Variants in CTNNA3 observed in about 807,000 individuals in gnomAD.
The protein encoded by CTNNA3 is catenin alpha-3.
Under a neutral mutation model 95.7 loss-of-function variants are expected in CTNNA3, and 76 were observed. The observed-to-expected ratio is 0.79, with a 90% CI of 0.66 to 0.96. The LOEUF is 0.96. Ranked by LOEUF, CTNNA3 falls within the 40% of genes least tolerant of loss-of-function variation. The pLI is 0.00. For missense variants in CTNNA3, 1,191 were observed against 1,089.8 expected (o/e 1.09, Z -1.31); for synonymous variants, 431 against 374.4 (o/e 1.15, Z -1.74).
chr10:65,916,217 T>C lies in CTNNA3; in HGVS notation c.*4113A>G, dbSNP rs990561237. ...TACTTAAAAAGAATTATTAAAATAATATAAAATTATATTCTTTTTAACTGA... is the reference window on the plus strand; with the variant it reads ...TACTTAAAAAGAATTATTAAAATAACATAAAATTATATTCTTTTTAACTGA... On this transcript the variant is annotated 3_prime_UTR_variant, in exon 18 of 18. Coordinates refer to ENST00000433211, the MANE Select transcript of CTNNA3 (RefSeq NM_013266.4). 8 of 151,956 alleles carry C rather than the reference T, an allele frequency of 5.3e-5. No individual in the cohort carries two copies. Among genetic ancestry groups the C allele is most frequent in the Non-Finnish European group, 1.2e-4 (8 of 67,962 alleles). The allele number at this position is 151,956 out of a possible 1,614,324, so 9.4% of individuals were successfully genotyped here.
At chr10:66,465,066 C>T (rs563382110) in intron 11 of CTNNA3, among the ~76,000 whole-genome samples, 2 of 152,218 alleles carry the variant, frequency 1.3e-5, no homozygotes, top group East Asian at 3.9e-4. Context: ...AAACAAGAGA[C>T]TGCCTAATGA....
At chr10:67,001,674 T>C (rs1352399749) in intron 7 of CTNNA3, among the ~76,000 whole-genome samples, 1 of 152,192 alleles carries the variant, frequency 6.6e-6, no homozygotes, top group Non-Finnish European at 1.5e-5. Flanking sequence ...CTTTAGTGGA[T>C]CCTAATTGTA....
chr10:67,513,086 T>C (rs1217415132), intron 5 of CTNNA3, among the ~76,000 whole-genome samples: 1 of 152,214 alleles, frequency 6.6e-6, no homozygotes, highest in Non-Finnish European at 1.5e-5. Flanking sequence ...TATATTCGCA[T>C]GTATAGATAA....
intron 7 of CTNNA3, among the ~76,000 whole-genome samples, chr10:66,913,583 G>T (rs1221973695): frequency 1.3e-5 from 2 of 152,138 alleles, no homozygotes; most frequent in Non-Finnish European, 2.9e-5. Flanking sequence ...AGGAATGAAT[G>T]AACAATTTCT....
intron 15 of CTNNA3, among the ~76,000 whole-genome samples, chr10:66,054,276 T>TAA (rs2080027126): frequency 6.6e-6 from 1 of 152,186 alleles, no homozygotes; most frequent in South Asian, 2.1e-4. Context: ...ATGGAAGTTC[T>TAA]AATTTTAGAT....
At chr10:67,697,244 T>G (rs10997784), upstream of CTNNA3, among the ~76,000 whole-genome samples, 14,632 of 152,222 alleles carry the variant, frequency 0.096, 993 homozygotes, top group East Asian at 0.26. Flanking sequence ...CATGCTATCC[T>G]CCCCAGATTT....
chr10:66,952,021 C>T (rs1300821755), intron 7 of CTNNA3, among the ~76,000 whole-genome samples: 1 of 152,194 alleles, frequency 6.6e-6, no homozygotes, highest in African/African-American at 2.4e-5. Context: ...GCTTTCCTCT[C>T]ATTCCAGATC....
intron 1 of CTNNA3, among the ~76,000 whole-genome samples, chr10:67,662,125 C>A (rs1464343256): frequency 6.6e-6 from 1 of 152,134 alleles, no homozygotes; most frequent in African/African-American, 2.4e-5. Flanking sequence ...GTCATCCCCC[C>A]AATCCTTGGG....
chr10:66,335,971 G>T (rs759890446), intron 12 of CTNNA3, among the ~76,000 whole-genome samples: 2 of 152,128 alleles, frequency 1.3e-5, no homozygotes, highest in South Asian at 4.1e-4. Flanking sequence ...CTTGCAGTTT[G>T]ATCTCAGCCT....
At chr10:66,875,156 T>C (rs1844567193) in intron 7 of CTNNA3, among the ~76,000 whole-genome samples, 1 of 151,964 alleles carries the variant, frequency 6.6e-6, no homozygotes, top group Non-Finnish European at 1.5e-5. Flanking sequence ...AAGAAACAAA[T>C]TACACAAAGT....
intron 17 of CTNNA3, among the ~76,000 whole-genome samples, chr10:65,941,449 T>C (rs747544870): frequency 3.9e-5 from 6 of 152,222 alleles, no homozygotes; most frequent in Admixed American, 6.5e-5. Context: ...GCGTTCAATA[T>C]GCCAAGTCAA....
chr10:67,277,720 G>A (rs1296874198), intron 5 of CTNNA3, among the ~76,000 whole-genome samples: 2 of 152,068 alleles, frequency 1.3e-5, no homozygotes, highest in African/African-American at 4.8e-5. Flanking sequence ...GTGACCTCTG[G>A]TTGTCCTCAC....
rs58792425 is a variant in CTNNA3 at position 67,368,897 on chromosome 10, C to T, written c.580-149027G>A. Reference sequence around the variant, plus strand: ...AGGCAGAAAAGGGAAACATTGCAGACGGGCAAGAGAAAACTTTAGGGAGAG... The same window carrying T: ...AGGCAGAAAAGGGAAACATTGCAGATGGGCAAGAGAAAACTTTAGGGAGAG... On this transcript the variant is annotated intron_variant, in intron 5 of 17. Coordinates refer to ENST00000433211, the MANE Select transcript of CTNNA3 (RefSeq NM_013266.4). Among the ~76,000 whole-genome samples the T allele has an allele frequency of 6.1e-3, 921 of 152,186 alleles. 9 individuals are homozygous for T. The highest frequency in any genetic ancestry group is 0.021 in the African/African-American group (873 of 41,520).
At chr10:66,295,755 T>C (rs2091767435) in intron 12 of CTNNA3, among the ~76,000 whole-genome samples, 1 of 152,182 alleles carries the variant, frequency 6.6e-6, no homozygotes, top group South Asian at 2.1e-4. Flanking sequence ...CATATCTTAG[T>C]TACCGCTCAG....
At chr10:66,180,048 G>C (rs963357183) in intron 13 of CTNNA3, among the ~76,000 whole-genome samples, 1 of 152,080 alleles carries the variant, frequency 6.6e-6, no homozygotes, top group Admixed American at 6.5e-5. Flanking sequence ...CTGAACCCTA[G>C]AGATGCTGAC....
At chr10:66,602,561 C>T (rs964351008) in intron 10 of CTNNA3, among the ~76,000 whole-genome samples, 2 of 151,804 alleles carry the variant, frequency 1.3e-5, no homozygotes, top group Non-Finnish European at 2.9e-5. Context: ...TGCTTAAAAG[C>T]CTACTGCACT....
chr10:66,299,102 C>T (rs982064633), intron 12 of CTNNA3, among the ~76,000 whole-genome samples: 2 of 152,142 alleles, frequency 1.3e-5, no homozygotes, highest in African/African-American at 4.8e-5. Context: ...AGTCTTCTGG[C>T]CTTTGCTTCA....
intron 7 of CTNNA3, among the ~76,000 whole-genome samples, chr10:66,787,168 A>G (rs770759988): frequency 4.6e-5 from 7 of 152,144 alleles, no homozygotes; most frequent in Non-Finnish European, 1.0e-4. Context: ...AGATGTGTGA[A>G]CTTAAGCAAA....
At chr10:66,629,379 C>T (rs905806755) in intron 9 of CTNNA3, among the ~76,000 whole-genome samples, 3 of 152,086 alleles carry the variant, frequency 2.0e-5, no homozygotes, top group African/African-American at 7.2e-5. Flanking sequence ...CATTTTACCT[C>T]TCAGTAATAT....
Sources: gnomAD v4.1 joint callset for allele counts (sites outside exome capture counted in the v4.1 genomes callset) on GRCh38, gnomAD v4.1.1 for gene constraint, MANE v1.5 for transcripts, NCBI Gene and HGNC (gene_info 2026-07-23, HGNC 2026-07-21) for gene names.